The following FTO variants were observed in gnomAD, a reference collection of about 807,000 sequenced individuals.
The protein encoded by FTO is FTO alpha-ketoglutarate dependent dioxygenase.
In FTO, 47 loss-of-function variants were observed where a neutral mutation model predicts 63.9. The observed-to-expected ratio is 0.74, with a 90% confidence interval of 0.58 to 0.94. The LOEUF (loss-of-function observed/expected upper bound fraction) is 0.94, where lower values mean the gene tolerates loss of function less well. Ranked by LOEUF, FTO falls within the 40% of genes least tolerant of loss-of-function variation. The pLI is 0.00. For missense variants in FTO, 562 were observed against 618.1 expected, an observed-to-expected ratio of 0.91 and a Z score of 0.96; for synonymous variants, 207 against 224.4, an observed-to-expected ratio of 0.92 and a Z score of 0.69.
chr16:53,821,329 A>G (rs1353148026), intron 2 of FTO, among the ~76,000 whole-genome samples: 1 of 152,204 alleles, frequency 6.6e-6, no homozygotes, highest in African/African-American at 2.4e-5. Context: ...TACCTTCTTC[A>G]TCACTTCTTC....
chr16:53,976,050 A>C (rs1267405305), intron 8 of FTO, among the ~76,000 whole-genome samples: 2 of 152,084 alleles, frequency 1.3e-5, no homozygotes, highest in Non-Finnish European at 2.9e-5. Context: ...CTCCCACCCC[A>C]GTGTAGTGCT....
chr16:53,887,879 A>G (rs989155845), intron 6 of FTO: 11 of 152,234 alleles, frequency 7.2e-5, no homozygotes, highest in African/African-American at 2.4e-4. Context: ...TTTTATATAT[A>G]TAGGTTAAGA....
At chr16:53,963,116 G>A (rs541026868) in intron 8 of FTO, among the ~76,000 whole-genome samples, 8 of 152,196 alleles carry the variant, frequency 5.3e-5, no homozygotes, top group Admixed American at 2.6e-4. Context: ...TGTTCCCAGC[G>A]GTCCTTCAGA....
chr16:53,963,524 G>A (rs1437949459), intron 8 of FTO, among the ~76,000 whole-genome samples: 1 of 152,176 alleles, frequency 6.6e-6, no homozygotes, highest in African/African-American at 2.4e-5. Context: ...CTCATGAATG[G>A]TTTAGCACCG....
intron 1 of FTO, among the ~76,000 whole-genome samples, chr16:53,789,767 TAC>T (rs1555634083): frequency 3.0e-4 from 45 of 147,694 alleles, no homozygotes; most frequent in East Asian, 7.9e-4. Flanking sequence ...TATATATATA[TAC>T]ACACACACAC....
At chr16:53,987,571 A>G (rs2083699670) in intron 8 of FTO, among the ~76,000 whole-genome samples, 1 of 145,298 alleles carries the variant, frequency 6.9e-6, no homozygotes, top group Admixed American at 6.9e-5. Flanking sequence ...CCACAGAGAA[A>G]GACTCTGTCT....
At chr16:53,891,532 A>G (rs1476304693) in intron 7 of FTO, among the ~76,000 whole-genome samples, 2 of 151,972 alleles carry the variant, frequency 1.3e-5, no homozygotes, top group Non-Finnish European at 2.9e-5. Context: ...GTGGTGGTGC[A>G]TGTCTATGGT....
intron 8 of FTO, among the ~76,000 whole-genome samples, chr16:54,051,467 G>A (rs1432665257): frequency 6.6e-6 from 1 of 152,214 alleles, no homozygotes; most frequent in Admixed American, 6.5e-5. Flanking sequence ...GTCCTGGCTG[G>A]GCCTGAGCCA....
chr16:54,021,994 G>A (rs910941420), intron 8 of FTO, among the ~76,000 whole-genome samples: 10 of 151,830 alleles, frequency 6.6e-5, no homozygotes, highest in East Asian at 1.9e-4. Flanking sequence ...CCTTTTCCTC[G>A]GATATTTTTT....
chr16:53,715,696 T>A (rs946852737), intron 1 of FTO, among the ~76,000 whole-genome samples: 4 of 152,242 alleles, frequency 2.6e-5, no homozygotes, highest in Non-Finnish European at 4.4e-5. Flanking sequence ...CTGATTTCTA[T>A]CTTCCTGAAT....
chr16:53,753,264 A>AAAAAC (rs1273042745), intron 1 of FTO, among the ~76,000 whole-genome samples: 3 of 151,430 alleles, frequency 2.0e-5, no homozygotes, highest in Non-Finnish European at 2.9e-5. Context: ...AAAAAAAAAA[A>AAAAAC]AAAACAAAAC....
At chr16:53,844,890 G>A (rs751236599) in intron 4 of FTO, among the ~76,000 whole-genome samples, 10 of 149,568 alleles carry the variant, frequency 6.7e-5, no homozygotes, top group African/African-American at 1.7e-4. Flanking sequence ...TTTCCTGTCC[G>A]TATTAGTTTT....
chr16:53,914,847 A>G (rs1439625546), intron 7 of FTO, among the ~76,000 whole-genome samples: 1 of 152,160 alleles, frequency 6.6e-6, no homozygotes, highest in Non-Finnish European at 1.5e-5. Flanking sequence ...ATTCTTGTTT[A>G]TATTGTCAAG....
intron 7 of FTO, among the ~76,000 whole-genome samples, chr16:53,912,557 GT>G (rs1256026429): frequency 6.6e-6 from 1 of 151,952 alleles, no homozygotes; most frequent in Non-Finnish European, 1.5e-5. Context: ...TTTGCCTTTT[GT>G]TTTGATAAAA....
At chr16:53,801,798 C>T (rs912530668) in intron 1 of FTO, among the ~76,000 whole-genome samples, 1 of 151,290 alleles carries the variant, frequency 6.6e-6, no homozygotes, top group Non-Finnish European at 1.5e-5. Context: ...CTGACTCAGT[C>T]ACCCAGGCTG....
intron 7 of FTO, among the ~76,000 whole-genome samples, chr16:53,909,060 C>T (rs758883787): frequency 7.2e-5 from 11 of 152,124 alleles, no homozygotes; most frequent in Non-Finnish European, 1.2e-4. Flanking sequence ...ATCCCTCTTG[C>T]TTTTCCTAGC....
At chr16:53,848,056 A>G (rs2079682843) in intron 4 of FTO, among the ~76,000 whole-genome samples, 1 of 152,188 alleles carries the variant, frequency 6.6e-6, no homozygotes, top group Non-Finnish European at 1.5e-5. Context: ...GTCTGCACTT[A>G]GAATATATAT....
At chr16:53,779,406 T>A (rs1231680374) in intron 1 of FTO, among the ~76,000 whole-genome samples, 2 of 152,204 alleles carry the variant, frequency 1.3e-5, no homozygotes, top group Non-Finnish European at 2.9e-5. Context: ...CTGGTCTTTA[T>A]TGTTAAAGAA....
intron 8 of FTO, among the ~76,000 whole-genome samples, chr16:53,980,140 G>A (rs1355557695): frequency 1.3e-5 from 2 of 152,152 alleles, no homozygotes; most frequent in African/African-American, 2.4e-5. Flanking sequence ...AGAAGAACTG[G>A]TTAGTCATGA....
Sources: gnomAD v4.1 joint callset for allele counts (sites outside exome capture counted in the v4.1 genomes callset) on GRCh38, gnomAD v4.1.1 for gene constraint, MANE v1.5 for transcripts, NCBI Gene and HGNC (gene_info 2026-07-23, HGNC 2026-07-21) for gene names.